The following WDR35 variants were observed in gnomAD, a reference collection of about 807,000 sequenced individuals.
WDR35 encodes the protein WD repeat-containing protein 35.
A neutral mutation model predicts 158.3 loss-of-function variants in WDR35; 118 were observed. That is an observed-to-expected ratio of 0.75 (90% CI 0.64 to 0.87). WDR35 has a LOEUF of 0.87. Among genes scored for constraint, WDR35 ranks in the 40% least tolerant of loss-of-function variants. The pLI, the probability that WDR35 is intolerant of heterozygous loss-of-function variation, is 0.00. For missense variants in WDR35, 1,263 were observed against 1,405.8 expected (o/e 0.90, Z 1.62); for synonymous variants, 448 against 476.1 (o/e 0.94, Z 0.77).
chr2:19,923,241 G>C (rs561311066), intron 25 of WDR35, among the ~76,000 whole-genome samples: 1 of 152,096 alleles, frequency 6.6e-6, no homozygotes, highest in African/African-American at 2.4e-5. Context: ...GGGTCTCCCC[G>C]ACCGAGCTGG....
Position 19,937,814 on chromosome 2 carries a change from T to C in WDR35, c.2196A>G (p.Lys732=). The C allele has an allele frequency of 6.2e-7, 1 of 1,614,182 alleles. No individual in the cohort carries two copies. The highest frequency in any genetic ancestry group is 8.5e-7 in the Non-Finnish European group (1 of 1,180,014). The part of the protein sequence containing the change: ...RLGKLLSESM[K]QAEVVGYFGR... ...CGAAGTAGCCAACAACTTCAGCCTG[T>C]TTCATTGACTCACTCAGTAGTTTGC... The change falls in exon 19 of 27, where the codon AAA becomes AAG. Residue 732 remains lysine, a synonymous_variant. Coordinates refer to ENST00000281405, the MANE Select transcript of WDR35 (RefSeq NM_020779.4).
rs981395541 is a variant in WDR35, at chr2:19,945,917, G to C, written c.1714C>G (p.Gln572Glu). Residue 572 changes from glutamine to glutamate, a missense_variant, in exon 16 of 27, where the codon CAA becomes GAA. Transcript: ENST00000281405. ...DARVTDSTGQ[Q>E]VVGELLKLER... ...AATTTTAACAACTCTCCAACTACTT[G>C]CTGTCCCGTACTGTCCGTTACTCGA... The C allele has an allele frequency of 1.2e-6, 2 of 1,613,868 alleles. No individual in the cohort carries two copies. The highest frequency in any genetic ancestry group is 3.3e-5 in the Admixed American group (2 of 59,996).
chr2:19,965,744 G>A lies in WDR35; in HGVS notation c.1194+980C>T, dbSNP rs550257383. 5.3e-5 allele frequency among the ~76,000 whole-genome samples: 8 copies of A among 152,342 alleles called. No homozygotes were observed. The East Asian group carries it at 9.6e-4, about 18-fold the overall frequency. On this transcript the variant is annotated intron_variant, in intron 10 of 26. Coordinates refer to ENST00000281405, the MANE Select transcript of WDR35 (RefSeq NM_020779.4). ...GTAGGTGGCAGAAGGGCAGCTGCCT[G>A]TGGACTCAGTATAGGGGAGTGGGAT...
chr2:19,939,679 T>C (rs1199692509), intron 17 of WDR35, among the ~76,000 whole-genome samples: 1 of 152,226 alleles, frequency 6.6e-6, no homozygotes, highest in Non-Finnish European at 1.5e-5. Flanking sequence ...GTGACTAAAA[T>C]ATCTGAGTTG....
At chr2:19,982,874 T>A (rs1002465450) in intron 2 of WDR35, among the ~76,000 whole-genome samples, 1 of 152,174 alleles carries the variant, frequency 6.6e-6, no homozygotes, top group Non-Finnish European at 1.5e-5. Flanking sequence ...CAAAAGAGCA[T>A]AGACTTTGAA....
intron 25 of WDR35, among the ~76,000 whole-genome samples, chr2:19,914,796 AAAC>A (rs1449679399): frequency 6.6e-6 from 1 of 152,176 alleles, no homozygotes; most frequent in Non-Finnish European, 1.5e-5. Flanking sequence ...TGTCTCACTG[AAAC>A]AATAGGATTT....
rs926538034 is a variant in WDR35, at chr2:19,935,577, T to G, written c.2441A>C (p.Gln814Pro). Residue 814 changes from glutamine to proline, a missense_variant, in exon 21 of 27, where the codon CAA becomes CCA. By Grantham distance (76) the Gln-to-Pro change is moderately conservative. Coordinates refer to ENST00000281405, the MANE Select transcript of WDR35 (RefSeq NM_020779.4). ...KWLNAVQYYVQGRNQERLAEC... is the reference protein window; with the variant it reads ...KWLNAVQYYVPGRNQERLAEC... ...AGCTAAGCGTTCCTGGTTCCGTCCT[T>G]GTACATAATATTGTACAGCATTCAA... 2 of 1,612,798 alleles carry G rather than the reference T, an allele frequency of 1.2e-6. No homozygotes were observed. The highest frequency in any genetic ancestry group is 1.7e-6 in the Non-Finnish European group (2 of 1,179,642).
At chr2:19,929,656 G>A (rs1168518734) in intron 25 of WDR35, among the ~76,000 whole-genome samples, 3 of 152,064 alleles carry the variant, frequency 2.0e-5, no homozygotes, top group Non-Finnish European at 4.4e-5. Flanking sequence ...AAATACCATG[G>A]AATATTAGGT....
rs1261404513 is a variant in WDR35, at chr2:19,931,288, A to G, written c.2945T>C (p.Val982Ala). 3.1e-6 allele frequency: 5 copies of G among 1,613,098 alleles called. No homozygotes were observed. Among genetic ancestry groups the G allele is most frequent in the Non-Finnish European group, 4.2e-6 (5 of 1,179,642 alleles). ...EQMKNAQRGK[V>A]KGKSSEATSA... ...CTTTACCTCTGAACTTTTTCCTTTA[A>G]CTTTTCCTCGCTGGGCATTCTTCAT... The change falls in exon 24 of 27, where the codon GTT becomes GCT. Residue 982 changes from valine (V) to alanine (A), a missense_variant. Val to Ala is a moderately conservative substitution (Grantham distance 64, BLOSUM62 0). Transcript: ENST00000281405.
intron 2 of WDR35, among the ~76,000 whole-genome samples, chr2:19,984,002 CATATATAT>C (rs753374553): frequency 3.7e-4 from 33 of 89,940 alleles, no homozygotes; most frequent in African/African-American, 1.5e-3. Context: ...CATTCTAATG[CATATATAT>C]ATATATATAT....
intron 10 of WDR35, among the ~76,000 whole-genome samples, chr2:19,963,721 C>CATTT (rs35999226): frequency 0.1 from 15,594 of 149,592 alleles, 891 homozygotes; most frequent in East Asian, 0.22. Flanking sequence ...GTATTCCACC[C>CATTT]ATTTATTTAT....
intron 24 of WDR35, 96 bp from the exon 25 acceptor site, chr2:19,930,648 A>T (rs1670498257): frequency 6.5e-7 from 1 of 1,539,058 alleles, no homozygotes; most frequent in African/African-American, 1.4e-5. Flanking sequence ...CTAAATGAGC[A>T]GATTTTATCA....
intron 13 of WDR35, among the ~76,000 whole-genome samples, chr2:19,950,713 T>C (rs187316603): frequency 5.9e-5 from 9 of 152,312 alleles, no homozygotes; most frequent in Admixed American, 4.6e-4. Flanking sequence ...GATGACTAGA[T>C]GAACTCTTGC....
chr2:19,933,339 T>C (rs1670583838), intron 22 of WDR35, 62 bp downstream of exon 22: 1 of 1,396,116 alleles, frequency 7.2e-7, no homozygotes. Context: ...GACTTTAACC[T>C]TGCTTTGACT....
chr2:19,986,644 T>C (rs1384143373), intron 2 of WDR35, among the ~76,000 whole-genome samples: 2 of 152,034 alleles, frequency 1.3e-5, no homozygotes, highest in African/African-American at 2.4e-5. Flanking sequence ...AGGACTGATA[T>C]TGAAAGGAGA....
At chr2:19,968,816 A>C (rs1319496458) in intron 9 of WDR35, among the ~76,000 whole-genome samples, 3 of 152,334 alleles carry the variant, frequency 2.0e-5, no homozygotes, top group African/African-American at 7.2e-5. Context: ...TCAAGATAAA[A>C]TACTGATTAT....
Position 19,989,990 on chromosome 2 carries a change from A to G in WDR35, c.24+2T>C. On this transcript the variant is annotated splice_donor_variant, in intron 1 of 26. Coordinates refer to ENST00000281405, the MANE Select transcript of WDR35 (RefSeq NM_020779.4). LOFTEE classifies it high-confidence loss of function. ...AACGAGGACGCCCCCCAGGAAACTC[A>G]CTTTCTTGCTCAGGTAGAAGAACAT... 6.2e-7 allele frequency: 1 copy of G among 1,613,950 alleles called. No homozygotes were observed. The highest frequency in any genetic ancestry group is 8.5e-7 in the Non-Finnish European group (1 of 1,179,932).
intron 2 of WDR35, among the ~76,000 whole-genome samples, chr2:19,983,801 T>A (rs899060308): frequency 6.6e-6 from 1 of 152,164 alleles, no homozygotes; most frequent in African/African-American, 2.4e-5. Flanking sequence ...AGTTTAACAA[T>A]GCAATCATCT....
Position 19,936,206 on chromosome 2 carries a change from G to C in WDR35, c.2414+13C>G. ...TGCATGAATGCTTGAGGAGCTCCAG[G>C]TAAGTTACATACCACTTTTGTCGAT... On this transcript the variant is annotated intron_variant, in intron 20 of 26. Coordinates refer to ENST00000281405, the MANE Select transcript of WDR35 (RefSeq NM_020779.4). The C allele has an allele frequency of 2.5e-6, 4 of 1,613,794 alleles. No homozygotes were observed. Among genetic ancestry groups the C allele is most frequent in the East Asian group, 2.2e-5 (1 of 44,868 alleles).
Sources: gnomAD v4.1 joint callset for allele counts (sites outside exome capture counted in the v4.1 genomes callset) on GRCh38, gnomAD v4.1.1 for gene constraint, MANE v1.5 for transcripts, NCBI Gene and HGNC (gene_info 2026-07-23, HGNC 2026-07-21) for gene names.